NFIA: variants seen among roughly 807,000 people sequenced by gnomAD.
NFIA encodes nuclear factor I A, also known as nuclear factor 1 A-type.
A neutral mutation model predicts 62.8 loss-of-function variants in NFIA; 8 were observed. The ratio of observed to expected loss-of-function variants is 0.13; its 90% CI spans 0.07 to 0.23. The LOEUF (loss-of-function observed/expected upper bound fraction) is 0.23, where lower values mean the gene tolerates loss of function less well. NFIA is among the 10% of genes least tolerant of loss of function. The pLI is 1.00. For missense variants in NFIA, 410 were observed against 642.1 expected (o/e 0.64, Z 3.91); for synonymous variants, 235 against 238.1 (o/e 0.99, Z 0.12).
At chr1:61,184,514 T>A (rs1470944830) in intron 2 of NFIA, among the ~76,000 whole-genome samples, 4 of 152,260 alleles carry the variant, frequency 2.6e-5, no homozygotes, top group African/African-American at 9.6e-5. Flanking sequence ...GCTTTGTGCA[T>A]TCTTTATGTA....
At chr1:61,273,776 A>G (rs905000743) in intron 2 of NFIA, among the ~76,000 whole-genome samples, 3 of 152,226 alleles carry the variant, frequency 2.0e-5, no homozygotes, top group African/African-American at 7.2e-5. Flanking sequence ...TACATTTGCA[A>G]TGAAAGAGGG....
At chr1:61,360,682 G>T (rs894594776) in intron 6 of NFIA, among the ~76,000 whole-genome samples, 1 of 152,108 alleles carries the variant, frequency 6.6e-6, no homozygotes, top group Non-Finnish European at 1.5e-5. Context: ...GACTATAAAG[G>T]TGTAGCACGG....
At chr1:61,294,198 A>G (rs1281485676) in intron 3 of NFIA, among the ~76,000 whole-genome samples, 1 of 152,218 alleles carries the variant, frequency 6.6e-6, no homozygotes, top group African/African-American at 2.4e-5. Flanking sequence ...GCTTACATTG[A>G]ACTACAAAAA....
chr1:61,342,419 G>A (rs1386321432), intron 4 of NFIA, among the ~76,000 whole-genome samples: 1 of 152,108 alleles, frequency 6.6e-6, no homozygotes, highest in Non-Finnish European at 1.5e-5. Flanking sequence ...CATGACTGAG[G>A]CTGTATCAGA....
chr1:61,407,526 T>C (rs1269910296), intron 9 of NFIA, among the ~76,000 whole-genome samples: 1 of 152,188 alleles, frequency 6.6e-6, no homozygotes, highest in Non-Finnish European at 1.5e-5. Context: ...GTGCCTTTTA[T>C]TAGTGCCTGG....
intron 2 of NFIA, among the ~76,000 whole-genome samples, chr1:61,264,397 G>A (rs1188529051): frequency 3.3e-5 from 5 of 151,978 alleles, no homozygotes; most frequent in Admixed American, 6.5e-5. Context: ...TAATCCCAGC[G>A]CTTCAGGAGG....
chr1:61,190,799 A>G (rs1237252288), intron 2 of NFIA, among the ~76,000 whole-genome samples: 2 of 152,242 alleles, frequency 1.3e-5, no homozygotes, highest in African/African-American at 4.8e-5. Flanking sequence ...TCTTAGTCAC[A>G]TGATTTAGAC....
At chr1:61,156,371 G>C (rs1288955213) in intron 2 of NFIA, among the ~76,000 whole-genome samples, 1 of 152,168 alleles carries the variant, frequency 6.6e-6, no homozygotes, top group African/African-American at 2.4e-5. Flanking sequence ...TGTGGGACTT[G>C]TATGTATTTA....
intron 2 of NFIA, among the ~76,000 whole-genome samples, chr1:61,110,377 T>C (rs2100452102): frequency 6.6e-6 from 1 of 151,980 alleles, no homozygotes; most frequent in South Asian, 2.1e-4. Flanking sequence ...ATTTTTTAGG[T>C]GAAAAATATA....
intron 2 of NFIA, among the ~76,000 whole-genome samples, chr1:61,153,897 G>C (rs1421215043): frequency 6.6e-6 from 1 of 152,196 alleles, no homozygotes; most frequent in African/African-American, 2.4e-5. Context: ...CATTCAGTGA[G>C]CTGAAAAGAG....
intron 10 of NFIA, among the ~76,000 whole-genome samples, chr1:61,454,326 A>G (rs935654558): frequency 1.3e-5 from 2 of 152,260 alleles, no homozygotes; most frequent in Non-Finnish European, 2.9e-5. Context: ...ATGTTAGTCC[A>G]TAATTGCTCA....
Position 61,461,520 on chromosome 1 carries a change from C to T in NFIA, c.*6200C>T, listed in dbSNP as rs913036875. 9 of 151,962 alleles carry T rather than the reference C, an allele frequency of 5.9e-5. No homozygotes were observed. Among genetic ancestry groups the T allele is most frequent in the Non-Finnish European group, 1.3e-4 (9 of 68,018 alleles). The allele number at this position is 151,962 out of a possible 1,614,324, so 9.4% of individuals were successfully genotyped here. A position where few individuals can be genotyped will look rare whatever the true frequency, so the allele number is the denominator to read the frequency against. ...TTTCCCTAAACCAGCACCCATCTGC[C>T]TTTTATTCCCCAAAGAGTTACCTTT... On this transcript the variant is annotated 3_prime_UTR_variant, in exon 11 of 11. Transcript: ENST00000403491.
At chr1:61,399,277 G>A (rs951329242) in intron 7 of NFIA, among the ~76,000 whole-genome samples, 5 of 152,164 alleles carry the variant, frequency 3.3e-5, no homozygotes, top group East Asian at 1.9e-4. Context: ...GTGATTATTC[G>A]CTCTTGTGAG....
chr1:61,088,677 G>T lies in NFIA; in HGVS notation c.556G>T (p.Ala186Ser). The T allele has an allele frequency of 6.2e-7, 1 of 1,609,586 alleles. No homozygotes were observed. Among genetic ancestry groups the T allele is most frequent in the East Asian group, 2.2e-5 (1 of 44,802 alleles). ...DLYLAYFVHA[A>S]DSSQSESPSQ... ...ATATTTGGCATACTTTGTGCATGCA[G>T]CAGGTAAGTGCGATGGTGAGAATTC... The change falls in exon 2 of 11, where the codon GCA becomes TCA. Residue 186 changes from alanine to serine, a missense_variant. Around this residue, in one of 3 missense-constraint regions of NFIA, gnomAD observed 298 missense variants for 438.1 expected, o/e 0.68. Coordinates refer to ENST00000403491, the MANE Select transcript of NFIA (RefSeq NM_001134673.4). This position sits in a 1 kb window ranked among gnomAD's most constrained non-coding sequence, Gnocchi z 4.5.
chr1:61,295,293 C>A (rs2100319013), intron 3 of NFIA, among the ~76,000 whole-genome samples: 1 of 152,286 alleles, frequency 6.6e-6, no homozygotes. Context: ...GAGAGAGATT[C>A]AGCAAAGGGA....
At chr1:61,447,820 G>A (rs957151298) in intron 10 of NFIA, among the ~76,000 whole-genome samples, 12 of 152,124 alleles carry the variant, frequency 7.9e-5, no homozygotes, top group African/African-American at 2.9e-4. Flanking sequence ...GGCTCCCAGA[G>A]TCGTGCTTCA....
intron 2 of NFIA, among the ~76,000 whole-genome samples, chr1:61,134,601 C>T (rs187433600): frequency 3.0e-4 from 46 of 152,208 alleles, no homozygotes; most frequent in Non-Finnish European, 4.0e-4. Flanking sequence ...AGATTGATGA[C>T]TAAGTTGAAG....
At chr1:61,207,215 A>G (rs1483810324) in intron 2 of NFIA, among the ~76,000 whole-genome samples, 1 of 152,164 alleles carries the variant, frequency 6.6e-6, no homozygotes, top group Non-Finnish European at 1.5e-5. Flanking sequence ...CAAAAATTTA[A>G]TGAATGGTTT....
At chr1:61,231,884 AAAC>A (rs1430579192) in intron 2 of NFIA, among the ~76,000 whole-genome samples, 33 of 152,104 alleles carry the variant, frequency 2.2e-4, no homozygotes, top group Admixed American at 2.2e-3. Context: ...AAAAAAAACA[AAAC>A]AAGAAATAAT....
Sources: allele counts gnomAD v4.1 joint callset (sites outside exome capture counted in the v4.1 genomes callset), GRCh38; gene constraint gnomAD v4.1.1; regional missense constraint gnomAD v4.1.1; non-coding constraint Gnocchi (gnomAD v3.1); transcripts MANE v1.5; gene names NCBI Gene and HGNC (gene_info 2026-07-23, HGNC 2026-07-21).